Variants in ASAP1 observed in about 807,000 individuals in gnomAD.
ASAP1 encodes arf-GAP with SH3 domain, ANK repeat and PH domain-containing protein 1.
A neutral mutation model predicts 145.2 loss-of-function variants in ASAP1; 43 were observed. The ratio of observed to expected loss-of-function variants is 0.30; its 90% CI spans 0.23 to 0.38. The LOEUF (loss-of-function observed/expected upper bound fraction) is 0.38, where lower values mean the gene tolerates loss of function less well. Among genes scored for constraint, ASAP1 ranks in the 10% least tolerant of loss-of-function variants. ASAP1 has a pLI of 1.00. For missense variants in ASAP1, 1,018 were observed against 1,355.3 expected (o/e 0.75, Z 3.91); for synonymous variants, 546 against 515.5 (o/e 1.06, Z -0.80).
intron 2 of ASAP1, among the ~76,000 whole-genome samples, chr8:130,391,992 G>T (rs892573177): frequency 1.3e-5 from 2 of 152,198 alleles, no homozygotes; most frequent in African/African-American, 4.8e-5. Flanking sequence ...TTGTGCAGGG[G>T]GAGCCAGACC....
intron 27 of ASAP1, among the ~76,000 whole-genome samples, chr8:130,072,824 T>TGTGTGC: frequency 3.1e-5 from 1 of 32,282 alleles, no homozygotes; most frequent in Admixed American, 3.6e-4. Flanking sequence ...TGTGTGTGTG[T>TGTGTGC]GCGCGCGGGG....
chr8:130,147,443 T>C (rs1488806424), intron 13 of ASAP1, among the ~76,000 whole-genome samples: 1 of 152,146 alleles, frequency 6.6e-6, no homozygotes, highest in African/African-American at 2.4e-5. Flanking sequence ...AGAGATTCAG[T>C]GTCAGGGTTG....
chr8:130,403,376 TTTGA>T (rs1294156741), intron 1 of ASAP1, among the ~76,000 whole-genome samples: 1 of 151,842 alleles, frequency 6.6e-6, no homozygotes, highest in African/African-American at 2.4e-5. Flanking sequence ...AAAACACAAA[TTTGA>T]TTGTGTCATC....
chr8:130,304,794 G>A (rs1430460232), intron 3 of ASAP1, among the ~76,000 whole-genome samples: 1 of 152,170 alleles, frequency 6.6e-6, no homozygotes, highest in Non-Finnish European at 1.5e-5. Context: ...AGAGGGATCC[G>A]TTTTAAGTGT....
chr8:130,157,170 AT>A (rs909805681), intron 12 of ASAP1, among the ~76,000 whole-genome samples: 2 of 152,184 alleles, frequency 1.3e-5, no homozygotes, highest in African/African-American at 4.8e-5. Context: ...GGAATTTACA[AT>A]TTATGTACAC....
chr8:130,193,779 A>T (rs944660773), intron 5 of ASAP1, among the ~76,000 whole-genome samples: 6 of 152,260 alleles, frequency 3.9e-5, no homozygotes, highest in African/African-American at 1.4e-4. Context: ...TGTGGTTAGT[A>T]CTGAATGTGC....
intron 3 of ASAP1, among the ~76,000 whole-genome samples, chr8:130,270,182 A>G (rs1326499381): frequency 6.6e-6 from 1 of 152,214 alleles, no homozygotes; most frequent in Non-Finnish European, 1.5e-5. Context: ...AAAAATAAAA[A>G]ATCAAACCAA....
At chr8:130,178,218 T>A (rs1814099939) in intron 9 of ASAP1, among the ~76,000 whole-genome samples, 2 of 152,252 alleles carry the variant, frequency 1.3e-5, no homozygotes, top group Admixed American at 1.3e-4. Context: ...ATTTTGCTTA[T>A]GAGAGCTGTC....
chr8:130,200,345 C>T (rs1211747718), intron 5 of ASAP1, among the ~76,000 whole-genome samples: 5 of 152,110 alleles, frequency 3.3e-5, no homozygotes, highest in Non-Finnish European at 7.3e-5. Flanking sequence ...TCTGCAGACC[C>T]CTCTTCGGAG....
At chr8:130,187,062 C>T in intron 7 of ASAP1, among the ~76,000 whole-genome samples, 174 bp downstream of exon 7, 1 of 152,162 alleles carries the variant, frequency 6.6e-6, no homozygotes, top group Non-Finnish European at 1.5e-5. Context: ...GGTCAGTGTA[C>T]CCAACCTCTT....
intron 1 of ASAP1, among the ~76,000 whole-genome samples, chr8:130,405,488 C>T (rs1415541310): frequency 1.3e-5 from 2 of 152,204 alleles, no homozygotes; most frequent in East Asian, 3.8e-4. Flanking sequence ...TCATGAGAGG[C>T]TGCTGGGGTC....
At chr8:130,188,723 CAAAAAAAAAAAA>C (rs370580190) in intron 5 of ASAP1, among the ~76,000 whole-genome samples, 1 of 83,844 alleles carries the variant, frequency 1.2e-5, no homozygotes, top group African/African-American at 4.7e-5. Context: ...GAGACTCTCT[CAAAAAAAAAAAA>C]AAAAAAAAAA....
chr8:130,060,560 TG>T lies in ASAP1; in HGVS notation c.3192+18del. On this transcript the variant is annotated intron_variant, in intron 28 of 29. Transcript: ENST00000518721. The stretch of plus-strand genomic sequence containing the variant: ...GTGCGGAATAGGGTTCCTAAGGGCC[TG>T]AACATTGTCCCACCCACCGTATTGA... 6.3e-7 allele frequency: 1 copy of T among 1,589,916 alleles called. No homozygotes were observed. The highest frequency in any genetic ancestry group is 8.6e-7 in the Non-Finnish European group (1 of 1,168,290).
chr8:130,406,568 G>A (rs1253966494), intron 1 of ASAP1, among the ~76,000 whole-genome samples: 3 of 150,806 alleles, frequency 2.0e-5, no homozygotes, highest in Admixed American at 6.7e-5. Context: ...TGCAACCTCC[G>A]TCACCCAGGT....
At chr8:130,188,718 T>A (rs1156480230) in intron 5 of ASAP1, among the ~76,000 whole-genome samples, 3 of 88,808 alleles carry the variant, frequency 3.4e-5, no homozygotes, top group African/African-American at 8.8e-5. Context: ...AGTGAGAGAC[T>A]CTCTCAAAAA....
chr8:130,369,277 T>A (rs886880946), intron 2 of ASAP1, among the ~76,000 whole-genome samples: 4 of 152,232 alleles, frequency 2.6e-5, no homozygotes, highest in Admixed American at 6.5e-5. Flanking sequence ...AATTCACTTA[T>A]GTTACATATA....
At chr8:130,361,812 C>T (rs929781286) in intron 2 of ASAP1, 1 of 1,418,756 alleles carries the variant, frequency 7.0e-7, no homozygotes. Flanking sequence ...AACGTAAATG[C>T]TGGATTTCTT....
chr8:130,061,860 A>C (rs1018518870), intron 27 of ASAP1, among the ~76,000 whole-genome samples: 1 of 152,192 alleles, frequency 6.6e-6, no homozygotes, highest in Non-Finnish European at 1.5e-5. Flanking sequence ...TTGTTGACCC[A>C]TTTCCATAGC....
intron 24 of ASAP1, among the ~76,000 whole-genome samples, chr8:130,109,336 A>G (rs1462388770): frequency 6.6e-6 from 1 of 152,074 alleles, no homozygotes; most frequent in Non-Finnish European, 1.5e-5. Flanking sequence ...GCTTTGCTTG[A>G]CGGTAATTTA....
Sources: gnomAD v4.1 joint callset for allele counts (sites outside exome capture counted in the v4.1 genomes callset) on GRCh38, gnomAD v4.1.1 for gene constraint, MANE v1.5 for transcripts, NCBI Gene and HGNC (gene_info 2026-07-23, HGNC 2026-07-21) for gene names.